The following XKR6 variants were observed in gnomAD, a reference collection of about 807,000 sequenced individuals.
The protein encoded by XKR6 is XK related 6.
Under a neutral mutation model 56.7 loss-of-function variants are expected in XKR6, and 22 were observed. The ratio of observed to expected loss-of-function variants is 0.39; its 90% CI spans 0.28 to 0.55. XKR6 has a LOEUF of 0.55. Among genes scored for constraint, XKR6 ranks in the 20% least tolerant of loss-of-function variants. The pLI is 0.66. For synonymous variants in XKR6, 524 were observed against 387.8 expected, an observed-to-expected ratio of 1.35 and a Z score of -4.13; for missense variants, 852 against 889.0, an observed-to-expected ratio of 0.96 and a Z score of 0.53.
intron 1 of XKR6, among the ~76,000 whole-genome samples, chr8:11,095,683 C>G (rs1798245040): frequency 6.6e-6 from 1 of 152,224 alleles, no homozygotes; most frequent in Non-Finnish European, 1.5e-5. Context: ...TGCAACTTGG[C>G]TCTCCTCCTT....
chr8:10,984,192 A>G (rs914834515), intron 1 of XKR6, among the ~76,000 whole-genome samples: 1 of 152,344 alleles, frequency 6.6e-6, no homozygotes, highest in East Asian at 1.9e-4. Flanking sequence ...ATATTAATAG[A>G]TCAAAAGGGA....
At chr8:11,199,821 G>A (rs1170727908) in intron 1 of XKR6, among the ~76,000 whole-genome samples, 1 of 152,194 alleles carries the variant, frequency 6.6e-6, no homozygotes, top group Non-Finnish European at 1.5e-5. Flanking sequence ...CACTGGCCTG[G>A]CTACCAAAAA....
intron 1 of XKR6, among the ~76,000 whole-genome samples, chr8:11,043,009 G>C (rs2409683): frequency 0.35 from 53,042 of 152,032 alleles, 11,508 homozygotes; most frequent in African/African-American, 0.62. Flanking sequence ...CCAGGCTTGT[G>C]CTGCTGTAGT....
At position 11,195,652 on chromosome 8, in the gene XKR6, C is replaced by CT. The variant is rs767554251; in HGVS notation, c.764+4923dup. Among the ~76,000 whole-genome samples the CT allele has an allele frequency of 9.1e-3, 1,292 of 142,714 alleles. 18 individuals carry two copies. The highest frequency in any genetic ancestry group is 0.055 in the East Asian group (270 of 4,922). The allele number at this position is 142,714 out of a possible 152,430, so 93.6% of individuals were successfully genotyped here. A position where few individuals can be genotyped will look rare whatever the true frequency, so the allele number is the denominator to read the frequency against. ...CCCTCAGAAAAATCCCACTGAGTTT[C>CT]TTTTTTTTTTTTTTGAGATGGAGTC... On this transcript the variant is annotated intron_variant, in intron 1 of 2. Coordinates refer to ENST00000416569, the MANE Select transcript of XKR6 (RefSeq NM_173683.4).
At chr8:11,145,778 A>T (rs1800949983) in intron 1 of XKR6, among the ~76,000 whole-genome samples, 1 of 152,222 alleles carries the variant, frequency 6.6e-6, no homozygotes, top group Non-Finnish European at 1.5e-5. Flanking sequence ...CAATTCTTCC[A>T]AAACTGATCT....
At chr8:11,118,056 T>A (rs1314322192) in intron 1 of XKR6, among the ~76,000 whole-genome samples, 1 of 152,196 alleles carries the variant, frequency 6.6e-6, no homozygotes, top group Non-Finnish European at 1.5e-5. Context: ...ACCAAAATGT[T>A]AAAATCTGCA....
chr8:10,973,341 G>C (rs1303634586), intron 1 of XKR6, among the ~76,000 whole-genome samples: 2 of 152,172 alleles, frequency 1.3e-5, no homozygotes, highest in African/African-American at 4.8e-5. Flanking sequence ...ACCTGCAAGG[G>C]GTTCCCCTAA....
At position 10,922,865 on chromosome 8, in the gene XKR6, G is replaced by A. The variant is rs375556363; in HGVS notation, c.961+1769C>T. 4.9e-4 allele frequency among the ~76,000 whole-genome samples: 75 copies of A among 152,292 alleles called. No individual in the cohort carries two copies. The South Asian group carries it at 0.014, about 29-fold the overall frequency. ...AGTGGTCAGCCCTGCCATCCTCCTC[G>A]AGGCCTCCTGCTTAGCTTCTGCATG... On this transcript the variant is annotated intron_variant, in intron 2 of 2. Coordinates refer to ENST00000416569, the MANE Select transcript of XKR6 (RefSeq NM_173683.4).
intron 2 of XKR6, among the ~76,000 whole-genome samples, chr8:10,899,581 C>G (rs540181063): frequency 6.6e-6 from 1 of 152,328 alleles, no homozygotes; most frequent in South Asian, 2.1e-4. Context: ...TCTTTTCGGC[C>G]TCTCCACAAT....
chr8:11,201,600 C>G lies in XKR6; in HGVS notation c.-261G>C, dbSNP rs1158759963. Among the ~76,000 whole-genome samples, 2 of 151,922 alleles carry G rather than the reference C, an allele frequency of 1.3e-5. No individual in the cohort carries two copies. The highest frequency in any genetic ancestry group is 2.9e-5 in the Non-Finnish European group (2 of 67,964). ...CCCTCCCGGCCAAGATGGCCGCCCTCCTGTGCCTCAGCTGCTGGGCGGGGG... is the reference window on the plus strand; with the variant it reads ...CCCTCCCGGCCAAGATGGCCGCCCTGCTGTGCCTCAGCTGCTGGGCGGGGG... On this transcript the variant is annotated 5_prime_UTR_variant, in exon 1 of 3. Transcript: ENST00000416569.
chr8:10,959,554 G>A (rs1184953495), intron 1 of XKR6, among the ~76,000 whole-genome samples: 1 of 152,144 alleles, frequency 6.6e-6, no homozygotes, highest in Non-Finnish European at 1.5e-5. Flanking sequence ...TTCTTGCTGT[G>A]TCCTCACGTG....
intron 1 of XKR6, among the ~76,000 whole-genome samples, chr8:11,037,925 G>A (rs1471724553): frequency 6.6e-6 from 1 of 151,942 alleles, no homozygotes. Flanking sequence ...TACTCGGGAG[G>A]CTGAGGCAGG....
chr8:11,102,135 G>A (rs1219542156), intron 1 of XKR6, among the ~76,000 whole-genome samples: 1 of 152,114 alleles, frequency 6.6e-6, no homozygotes, highest in Non-Finnish European at 1.5e-5. Flanking sequence ...AAACCTGTGG[G>A]TCAATCCCAA....
chr8:11,033,826 A>G (rs1309749497), intron 1 of XKR6, among the ~76,000 whole-genome samples: 1 of 152,170 alleles, frequency 6.6e-6, no homozygotes, highest in African/African-American at 2.4e-5. Flanking sequence ...AGAAATACAC[A>G]TTTTAAACAA....
chr8:10,995,096 G>A (rs1798079709), intron 1 of XKR6, among the ~76,000 whole-genome samples: 1 of 152,168 alleles, frequency 6.6e-6, no homozygotes, highest in Non-Finnish European at 1.5e-5. Context: ...GGTCAACATT[G>A]CAAAAAGCCT....
chr8:11,085,647 G>T (rs1326372432), intron 1 of XKR6, among the ~76,000 whole-genome samples: 1 of 152,142 alleles, frequency 6.6e-6, no homozygotes, highest in East Asian at 1.9e-4. Context: ...CCCGCCATAG[G>T]ATGGTCTCCC....
chr8:11,190,725 G>T (rs1232834586), intron 1 of XKR6, among the ~76,000 whole-genome samples: 3 of 152,200 alleles, frequency 2.0e-5, no homozygotes, highest in African/African-American at 7.2e-5. Context: ...CAATAAGCCA[G>T]ACAACAACGT....
intron 1 of XKR6, among the ~76,000 whole-genome samples, chr8:11,147,618 T>C (rs924180869): frequency 1.3e-4 from 19 of 145,740 alleles, no homozygotes; most frequent in African/African-American, 4.5e-4. Context: ...ATCGTGCCAC[T>C]GCACTCCAGC....
chr8:10,940,620 C>T (rs145428763), intron 1 of XKR6, among the ~76,000 whole-genome samples: 7 of 152,328 alleles, frequency 4.6e-5, no homozygotes, highest in South Asian at 2.1e-4. Flanking sequence ...TTCAAAGCCA[C>T]GCAACACAGG....
Sources: allele counts gnomAD v4.1 joint callset (sites outside exome capture counted in the v4.1 genomes callset), GRCh38; gene constraint gnomAD v4.1.1; transcripts MANE v1.5; gene names NCBI Gene and HGNC (gene_info 2026-07-23, HGNC 2026-07-21).